The following TAF3 variants were observed in gnomAD, a reference collection of about 807,000 sequenced individuals.
TAF3 encodes the protein TATA-box binding protein associated factor 3, also known as transcription initiation factor TFIID subunit 3.
TAF3 carries 7 observed loss-of-function variants against 80.6 expected under a neutral mutation model. The observed-to-expected ratio is 0.09, with a 90% CI of 0.05 to 0.16. The LOEUF (loss-of-function observed/expected upper bound fraction) is 0.16, where lower values mean the gene tolerates loss of function less well. TAF3 is among the 10% of genes least tolerant of loss of function. The pLI is 1.00. For synonymous variants in TAF3, 444 were observed against 446.1 expected, an observed-to-expected ratio of 1.00 and a Z score of 0.06; for missense variants, 921 against 1,140.2, an observed-to-expected ratio of 0.81 and a Z score of 2.77.
In TAF3 at chr10:8,015,762, T is replaced by G. The variant is rs1325956887; in HGVS notation, c.*1011T>G. On this transcript the variant is annotated 3_prime_UTR_variant, in exon 7 of 7. Transcript: ENST00000344293. ...AAACAAGGCAATTTAAATTTAGAGT[T>G]TATGACTTGAAGTTGTTTTGTTTGT... The G allele has an allele frequency of 6.6e-6, 1 of 152,142 alleles. No homozygotes were observed. The highest frequency in any genetic ancestry group is 1.5e-5 in the Non-Finnish European group (1 of 68,028). 9.4% of individuals were successfully genotyped at this position (152,142 alleles called of 1,614,324 possible).
intron 4 of TAF3, among the ~76,000 whole-genome samples, chr10:8,004,994 C>G (rs1831978421): frequency 1.3e-5 from 2 of 152,122 alleles, no homozygotes; most frequent in South Asian, 4.1e-4. Context: ...GTTTATAGTT[C>G]TGTCTTGTTT....
intron 2 of TAF3, among the ~76,000 whole-genome samples, chr10:7,839,409 A>G (rs1174469297): frequency 6.6e-6 from 1 of 152,164 alleles, no homozygotes; most frequent in Non-Finnish European, 1.5e-5. Context: ...ACTCTATGAG[A>G]GTTGAATTCA....
chr10:8,003,895 C>G (rs1220775969), intron 4 of TAF3, among the ~76,000 whole-genome samples: 1 of 151,862 alleles, frequency 6.6e-6, no homozygotes, highest in Non-Finnish European at 1.5e-5. Flanking sequence ...AAAAAACAAC[C>G]AAAACATTGC....
intron 2 of TAF3, among the ~76,000 whole-genome samples, chr10:7,912,454 A>T (rs1018183703): frequency 2.0e-5 from 3 of 152,170 alleles, no homozygotes; most frequent in African/African-American, 7.2e-5. Flanking sequence ...AAAAGATAAT[A>T]ATTTAGGATA....
intron 3 of TAF3, among the ~76,000 whole-genome samples, chr10:7,973,662 A>G (rs778483135): frequency 5.9e-5 from 9 of 152,208 alleles, no homozygotes; most frequent in Admixed American, 3.3e-4. Context: ...TGGGAATATA[A>G]CCAAGCACAA....
rs756303593 is a variant in TAF3, at chr10:7,964,890, C to T, written c.1380C>T (p.Ser460=). The T allele has an allele frequency of 1.4e-5, 22 of 1,614,028 alleles. No homozygotes were observed. The Admixed American group carries it at 2.0e-4, about 15-fold the overall frequency. The change falls in exon 3 of 7, where the codon TCC becomes TCT. Residue 460 remains serine, a synonymous_variant. Transcript: ENST00000344293. The surrounding 1 kb of genome is among the most constrained non-coding windows in gnomAD (Gnocchi z 4.1). ...CTCTTTCCGGTGGAACCTCAAGTTCCGATAACTCATGGACAATGGATGCCT... is the reference window on the plus strand; with the variant it reads ...CTCTTTCCGGTGGAACCTCAAGTTCTGATAACTCATGGACAATGGATGCCT... The part of the protein sequence containing the change: ...PLPLSGGTSS[S]DNSWTMDASI...
At chr10:7,970,849 G>A (rs761654262) in intron 3 of TAF3, among the ~76,000 whole-genome samples, 39 of 152,276 alleles carry the variant, frequency 2.6e-4, no homozygotes, top group Non-Finnish European at 4.7e-4. Flanking sequence ...TACCTTTAAG[G>A]AAGGGTTTTC....
chr10:7,887,909 A>T (rs1013259921), intron 2 of TAF3, among the ~76,000 whole-genome samples: 2 of 152,126 alleles, frequency 1.3e-5, no homozygotes, highest in Non-Finnish European at 2.9e-5. Context: ...TCCAGCTCCA[A>T]TCCACAGACC....
In TAF3 at chr10:7,837,614, G is replaced by C. The variant is rs895958210; in HGVS notation, c.409+13054G>C. Among the ~76,000 whole-genome samples the C allele has an allele frequency of 5.3e-5, 8 of 152,196 alleles. 1 individual carries two copies. Among genetic ancestry groups the C allele is most frequent in the Admixed American group, 1.3e-4 (2 of 15,280 alleles). ...TCTGAGATTGCACCAGTGTACTCCA[G>C]CCTGGGCAAAAGAGCAAGACTCTGT... On this transcript the variant is annotated intron_variant, in intron 2 of 6. Coordinates refer to ENST00000344293, the MANE Select transcript of TAF3 (RefSeq NM_031923.4).
intron 2 of TAF3, among the ~76,000 whole-genome samples, chr10:7,895,130 G>T (rs1334182198): frequency 1.3e-5 from 2 of 152,218 alleles, no homozygotes; most frequent in Non-Finnish European, 2.9e-5. Flanking sequence ...CTCCCAAAGT[G>T]CTGGGATTAC....
At chr10:7,967,601 A>G (rs1422753486) in intron 3 of TAF3, among the ~76,000 whole-genome samples, 1 of 152,244 alleles carries the variant, frequency 6.6e-6, no homozygotes, top group African/African-American at 2.4e-5. Context: ...ACCTTTATAA[A>G]TAATAAATAG....
In TAF3 at chr10:7,963,921, A is replaced by G; in HGVS notation, c.411A>G (p.Glu137=). 1 of 1,553,264 alleles carries G rather than the reference A, an allele frequency of 6.4e-7. No homozygotes were observed. The highest frequency in any genetic ancestry group is 8.7e-7 in the Non-Finnish European group (1 of 1,155,056). Residue 137 remains glutamate, a splice_region_variant and synonymous_variant, in exon 3 of 7, where the codon GAA becomes GAG. Coordinates refer to ENST00000344293, the MANE Select transcript of TAF3 (RefSeq NM_031923.4). ...YLPPIVSSQE[E]EEEEQVPTDG... ...TCTTCCTTTTTCTTCCTTTACCAGAAGAAGAAGAAGAGCAGGTGCCCACTG... is the reference window on the plus strand; with the variant it reads ...TCTTCCTTTTTCTTCCTTTACCAGAGGAAGAAGAAGAGCAGGTGCCCACTG...
At chr10:7,850,438 G>T (rs1837015667) in intron 2 of TAF3, among the ~76,000 whole-genome samples, 1 of 152,172 alleles carries the variant, frequency 6.6e-6, no homozygotes, top group African/African-American at 2.4e-5. Flanking sequence ...CACTTTGGGA[G>T]GCTGAGGTGG....
rs186240088 is a variant in TAF3, at chr10:8,002,577, T to G, written c.2316-6501T>G. Among the ~76,000 whole-genome samples, 945 of 152,340 alleles carry G rather than the reference T, an allele frequency of 6.2e-3. 4 individuals carry two copies. The highest frequency in any genetic ancestry group is 9.4e-3 in the Non-Finnish European group (637 of 68,014). ...AGGGGTAACAAATCTGTGTACAAAC[T>G]ATTCAAATTGTTTTTTAGCCTTAAG... On this transcript the variant is annotated intron_variant, in intron 4 of 6. Coordinates refer to ENST00000344293, the MANE Select transcript of TAF3 (RefSeq NM_031923.4).
At chr10:7,927,584 A>G (rs1283251907) in intron 2 of TAF3, among the ~76,000 whole-genome samples, 11 of 152,212 alleles carry the variant, frequency 7.2e-5, no homozygotes, top group Admixed American at 7.2e-4. Flanking sequence ...TGAGTTGCCT[A>G]ACAACTAATC....
intron 2 of TAF3, among the ~76,000 whole-genome samples, chr10:7,850,735 G>A (rs926051687): frequency 2.6e-5 from 4 of 151,390 alleles, no homozygotes; most frequent in Admixed American, 1.3e-4. Flanking sequence ...ACACTAATAC[G>A]ATTTAAAATA....
intron 2 of TAF3, among the ~76,000 whole-genome samples, chr10:7,960,598 A>G (rs1838180429): frequency 6.6e-6 from 1 of 152,214 alleles, no homozygotes; most frequent in Admixed American, 6.5e-5. Flanking sequence ...GAGTGTGACC[A>G]CATATTTGGG....
chr10:7,842,404 C>T (rs1465214227), intron 2 of TAF3, among the ~76,000 whole-genome samples: 1 of 151,980 alleles, frequency 6.6e-6, no homozygotes, highest in Non-Finnish European at 1.5e-5. Flanking sequence ...AACCAGTCTT[C>T]CAGCGTTGGC....
intron 2 of TAF3, among the ~76,000 whole-genome samples, chr10:7,868,055 A>C (rs753172515): frequency 3.9e-5 from 6 of 152,050 alleles, no homozygotes; most frequent in East Asian, 1.9e-4. Flanking sequence ...TGTCATCTTC[A>C]TGTTGAGTAG....
Sources: gnomAD v4.1 joint callset for allele counts (sites outside exome capture counted in the v4.1 genomes callset) on GRCh38, gnomAD v4.1.1 for gene constraint, Gnocchi (gnomAD v3.1) non-coding constraint, MANE v1.5 for transcripts, NCBI Gene and HGNC (gene_info 2026-07-23, HGNC 2026-07-21) for gene names.